PLPPR1: variants seen among roughly 807,000 people sequenced by gnomAD.
PLPPR1 encodes phospholipid phosphatase related 1.
In PLPPR1, 10 loss-of-function variants were observed where a neutral mutation model predicts 33.1. The ratio of observed to expected loss-of-function variants is 0.30; its 90% confidence interval spans 0.19 to 0.51. PLPPR1 has a LOEUF of 0.51. Ranked by LOEUF, PLPPR1 falls within the 20% of genes least tolerant of loss-of-function variation. The pLI is 0.97. For synonymous variants in PLPPR1, 151 were observed against 151.0 expected (o/e 1.00, Z 0.00); for missense variants, 304 against 408.1 (o/e 0.74, Z 2.20).
chr9:101,047,616 C>T (rs1266561939), intron 1 of PLPPR1, among the ~76,000 whole-genome samples: 3 of 152,140 alleles, frequency 2.0e-5, no homozygotes, highest in Non-Finnish European at 2.9e-5. Context: ...ATTTCTCTCT[C>T]TTTTCATTTT....
At chr9:101,085,464 T>G (rs1006370993) in intron 1 of PLPPR1, among the ~76,000 whole-genome samples, 1 of 152,108 alleles carries the variant, frequency 6.6e-6, no homozygotes. Context: ...GATGAGAGGA[T>G]GGGATCCATC....
chr9:101,224,501 C>T (rs1254904417), intron 2 of PLPPR1, among the ~76,000 whole-genome samples: 15 of 152,048 alleles, frequency 9.9e-5, no homozygotes, highest in African/African-American at 3.1e-4. Context: ...AAGTGGGCAT[C>T]GTGGTGACGG....
chr9:101,167,440 C>A (rs112806499), intron 1 of PLPPR1, among the ~76,000 whole-genome samples: 1 of 151,426 alleles, frequency 6.6e-6, no homozygotes, highest in Non-Finnish European at 1.5e-5. Context: ...AAAATACTTT[C>A]CTGTACAGCT....
intron 1 of PLPPR1, among the ~76,000 whole-genome samples, chr9:101,143,784 A>C (rs373047516): frequency 6.6e-6 from 1 of 152,132 alleles, no homozygotes; most frequent in African/African-American, 2.4e-5. Flanking sequence ...GAAACAACAG[A>C]TGCTGGAGAG....
At chr9:101,135,121 A>G (rs1015251056) in intron 1 of PLPPR1, among the ~76,000 whole-genome samples, 2 of 152,186 alleles carry the variant, frequency 1.3e-5, no homozygotes, top group African/African-American at 4.8e-5. Flanking sequence ...GGGATTAGAG[A>G]TTACAAAGAA....
At chr9:101,313,619 T>A (rs575026178) in intron 6 of PLPPR1, among the ~76,000 whole-genome samples, 1 of 152,332 alleles carries the variant, frequency 6.6e-6, no homozygotes, top group South Asian at 2.1e-4. Flanking sequence ...TTTCTGATTA[T>A]GTTTTAGTTC....
At chr9:101,234,958 CAT>C (rs747402617) in intron 2 of PLPPR1, among the ~76,000 whole-genome samples, 1 of 151,870 alleles carries the variant, frequency 6.6e-6, no homozygotes, top group Non-Finnish European at 1.5e-5. Context: ...ATAAAACTAA[CAT>C]ATTCTTGAGT....
chr9:101,109,079 C>A (rs1178487371), intron 1 of PLPPR1, among the ~76,000 whole-genome samples: 1 of 151,176 alleles, frequency 6.6e-6, no homozygotes, highest in Non-Finnish European at 1.5e-5. Flanking sequence ...CTGCCTCAGC[C>A]TCCCAAGTAG....
chr9:101,241,366 A>G (rs1564012995), intron 2 of PLPPR1, among the ~76,000 whole-genome samples: 1 of 152,040 alleles, frequency 6.6e-6, no homozygotes, highest in East Asian at 1.9e-4. Flanking sequence ...ATACTGGGAG[A>G]AGAACAATTT....
At chr9:101,215,720 G>A (rs558567740) in intron 2 of PLPPR1, among the ~76,000 whole-genome samples, 6 of 151,598 alleles carry the variant, frequency 4.0e-5, no homozygotes, top group African/African-American at 9.7e-5. Context: ...TACCTCTCAC[G>A]TATGAGTGAG....
intron 1 of PLPPR1, among the ~76,000 whole-genome samples, chr9:101,072,323 C>G (rs2118491387): frequency 6.6e-6 from 1 of 152,236 alleles, no homozygotes. Context: ...TCTCCTCCAT[C>G]CAGCTCACAA....
At chr9:101,100,219 CT>C (rs1830881138) in intron 1 of PLPPR1, among the ~76,000 whole-genome samples, 1 of 151,922 alleles carries the variant, frequency 6.6e-6, no homozygotes, top group Non-Finnish European at 1.5e-5. Flanking sequence ...ATAAAAAGGT[CT>C]GATTTAAAGA....
intron 1 of PLPPR1, among the ~76,000 whole-genome samples, chr9:101,111,463 T>C (rs79309801): frequency 0.012 from 1,767 of 152,326 alleles, 29 homozygotes; most frequent in African/African-American, 0.04. Context: ...TAGCAGTCAA[T>C]TCCTTTAATA....
intron 4 of PLPPR1, among the ~76,000 whole-genome samples, chr9:101,293,062 C>T (rs1828548457): frequency 6.6e-6 from 1 of 152,090 alleles, no homozygotes; most frequent in Admixed American, 6.5e-5. Flanking sequence ...AAACCCATCT[C>T]ATGTGCAGAG....
At chr9:101,225,249 G>A (rs1827039054) in intron 2 of PLPPR1, among the ~76,000 whole-genome samples, 1 of 152,196 alleles carries the variant, frequency 6.6e-6, no homozygotes, top group South Asian at 2.1e-4. Context: ...AATTTTGCCA[G>A]CAATTCCTCC....
chr9:101,052,709 T>G (rs1830237281), intron 1 of PLPPR1, among the ~76,000 whole-genome samples: 1 of 152,226 alleles, frequency 6.6e-6, no homozygotes, highest in South Asian at 2.1e-4. Context: ...AGGTCATATT[T>G]TCTAATGTCC....
intron 1 of PLPPR1, among the ~76,000 whole-genome samples, chr9:101,129,049 C>T (rs1376153391): frequency 6.6e-6 from 1 of 152,084 alleles, no homozygotes; most frequent in Non-Finnish European, 1.5e-5. Flanking sequence ...TACATCTGTA[C>T]TAAAGGTGTT....
chr9:101,262,500 A>T (rs1827918614), intron 2 of PLPPR1, among the ~76,000 whole-genome samples: 2 of 152,214 alleles, frequency 1.3e-5, no homozygotes, highest in Non-Finnish European at 2.9e-5. Context: ...ATCATCAGGA[A>T]ACAATAGATA....
At chr9:101,295,750 T>A (rs1484708681) in intron 4 of PLPPR1, among the ~76,000 whole-genome samples, 3 of 152,062 alleles carry the variant, frequency 2.0e-5, no homozygotes, top group Non-Finnish European at 2.9e-5. Context: ...GCTAGCCATA[T>A]GTAGAAAGCT....
Sources: gnomAD v4.1 joint callset for allele counts (sites outside exome capture counted in the v4.1 genomes callset) on GRCh38, gnomAD v4.1.1 for gene constraint, MANE v1.5 for transcripts, NCBI Gene and HGNC (gene_info 2026-07-23, HGNC 2026-07-21) for gene names.